The following SGPL1 variants were observed in gnomAD, a reference collection of about 807,000 sequenced individuals.
The protein encoded by SGPL1 is SP-lyase 1.
SGPL1 carries 37 observed loss-of-function variants against 68.9 expected under a neutral mutation model. That is an observed-to-expected ratio of 0.54 (90% confidence interval 0.41 to 0.71). The LOEUF (loss-of-function observed/expected upper bound fraction) is 0.71, where lower values mean the gene tolerates loss of function less well. Ranked by LOEUF, SGPL1 falls within the 30% of genes least tolerant of loss-of-function variation. The probability of loss-of-function intolerance (pLI) is 0.00; values close to 1 mark genes in which losing one functional copy is unlikely to be tolerated. For synonymous variants in SGPL1, 236 were observed against 248.5 expected (o/e 0.95, Z 0.47); for missense variants, 551 against 704.6 (o/e 0.78, Z 2.47).
At chr10:70,822,653 G>C (rs1324126238) in intron 2 of SGPL1, among the ~76,000 whole-genome samples, 1 of 152,192 alleles carries the variant, frequency 6.6e-6, no homozygotes, top group African/African-American at 2.4e-5. Context: ...CGAGTAGTTT[G>C]TGGATATATC....
At chr10:70,839,040 A>G (rs1237948774) in intron 2 of SGPL1, among the ~76,000 whole-genome samples, 1 of 152,192 alleles carries the variant, frequency 6.6e-6, no homozygotes, top group East Asian at 1.9e-4. Flanking sequence ...CTTAAAGTGA[A>G]GGCTGAAAGA....
rs776320394 is a variant in SGPL1, at chr10:70,857,700, C to T, written c.486+10C>T. 1.3e-6 allele frequency: 2 copies of T among 1,599,776 alleles called. No homozygotes were observed. The highest frequency in any genetic ancestry group is 4.5e-5 in the East Asian group (2 of 44,554). Reference sequence around the variant, plus strand: ...TGAGCTCCTTGTGAAGGTGAGTGTCCAGTTCTTGAGGGAAGCCTGTGAGGT... The same window carrying T: ...TGAGCTCCTTGTGAAGGTGAGTGTCTAGTTCTTGAGGGAAGCCTGTGAGGT... On this transcript the variant is annotated intron_variant, in intron 6 of 14. Transcript: ENST00000373202.
chr10:70,835,364 T>A (rs1048669919), intron 2 of SGPL1, among the ~76,000 whole-genome samples: 1 of 152,124 alleles, frequency 6.6e-6, no homozygotes, highest in African/African-American at 2.4e-5. Context: ...CATAATGCAA[T>A]AGGCTAATGC....
chr10:70,863,653 T>C (rs1846124887), intron 7 of SGPL1, among the ~76,000 whole-genome samples: 1 of 152,164 alleles, frequency 6.6e-6, no homozygotes, highest in Admixed American at 6.5e-5. Context: ...TTAAGTCAAA[T>C]CCTTAGCTTG....
At chr10:70,831,616 G>C (rs1444312714) in intron 2 of SGPL1, among the ~76,000 whole-genome samples, 2 of 152,216 alleles carry the variant, frequency 1.3e-5, no homozygotes, top group Non-Finnish European at 2.9e-5. Flanking sequence ...GGGAAGGGGT[G>C]TGGAGCCTCC....
chr10:70,843,991 T>C lies in SGPL1; in HGVS notation c.28-482T>C, dbSNP rs114347648. 5.0e-3 allele frequency among the ~76,000 whole-genome samples: 768 copies of C among 152,318 alleles called. 5 individuals carry two copies. The highest frequency in any genetic ancestry group is 0.017 in the African/African-American group (689 of 41,564). On this transcript the variant is annotated intron_variant, in intron 2 of 14. Coordinates refer to ENST00000373202, the MANE Select transcript of SGPL1 (RefSeq NM_003901.4). The stretch of plus-strand genomic sequence containing the variant: ...GTACTCCAGCAGCAGAGAGGAGTAG[T>C]TGTAAAGGAGAATGTTTGCTTTGCA...
chr10:70,875,776 G>A (rs1846373855), intron 13 of SGPL1, among the ~76,000 whole-genome samples: 1 of 152,172 alleles, frequency 6.6e-6, no homozygotes, highest in Admixed American at 6.5e-5. Context: ...TAGACCAGTG[G>A]TTGGTCATGA....
intron 12 of SGPL1, 98 bp downstream of exon 12, chr10:70,873,687 C>T: frequency 3.5e-6 from 3 of 857,144 alleles, no homozygotes; most frequent in Non-Finnish European, 5.9e-6. Flanking sequence ...CCCTAGCCCA[C>T]CTGTTGTCTC....
chr10:70,818,400 AG>A (rs1564615047), intron 2 of SGPL1, among the ~76,000 whole-genome samples: 2 of 152,224 alleles, frequency 1.3e-5, no homozygotes, highest in Non-Finnish European at 2.9e-5. Context: ...GATTACTTAC[AG>A]GCGTGAGCCG....
intron 2 of SGPL1, among the ~76,000 whole-genome samples, chr10:70,844,253 T>C (rs1173400963): frequency 6.6e-6 from 1 of 152,092 alleles, no homozygotes; most frequent in East Asian, 1.9e-4. Context: ...AGATTGAAAA[T>C]AGTCTCAAAG....
chr10:70,832,528 A>G (rs1845559704), intron 2 of SGPL1, among the ~76,000 whole-genome samples: 1 of 152,188 alleles, frequency 6.6e-6, no homozygotes, highest in African/African-American at 2.4e-5. Context: ...CCCTTCCCCA[A>G]TCGTGATATG....
intron 7 of SGPL1, among the ~76,000 whole-genome samples, chr10:70,865,324 CTT>C (rs60825486): frequency 6.7e-6 from 1 of 148,834 alleles, no homozygotes. Context: ...TGCACTCACC[CTT>C]TTTTTTTTTC....
intron 7 of SGPL1, among the ~76,000 whole-genome samples, chr10:70,867,536 T>C (rs1846216047): frequency 6.7e-6 from 1 of 148,496 alleles, no homozygotes; most frequent in Non-Finnish European, 1.5e-5. Flanking sequence ...CACTCCAGCC[T>C]GGGCAACAGA....
chr10:70,867,374 C>T (rs1189669062), intron 7 of SGPL1, among the ~76,000 whole-genome samples: 1 of 152,022 alleles, frequency 6.6e-6, no homozygotes, highest in Non-Finnish European at 1.5e-5. Flanking sequence ...ACCAGCCTGG[C>T]CAACATGGTG....
At position 70,877,455 on chromosome 10, in the gene SGPL1, C is replaced by A; in HGVS notation, c.*120C>A. ...TCCATAGAGCACAACTCAAGATAGACCATGAGACAGCTTGAGCCTCAGGAT... is the reference window on the plus strand; with the variant it reads ...TCCATAGAGCACAACTCAAGATAGAACATGAGACAGCTTGAGCCTCAGGAT... On this transcript the variant is annotated 3_prime_UTR_variant, in exon 15 of 15. Transcript: ENST00000373202. 1 of 867,434 alleles carries A rather than the reference C, an allele frequency of 1.2e-6. No homozygotes were observed. The highest frequency in any genetic ancestry group is 1.8e-6 in the Non-Finnish European group (1 of 565,364). The allele number at this position is 867,434 out of a possible 1,614,324, so 53.7% of individuals were successfully genotyped here.
rs943826902 is a variant in SGPL1, at chr10:70,880,146, GCA to G, written c.*2817_*2818del. 1.3e-5 allele frequency: 2 copies of G among 152,504 alleles called. No homozygotes were observed. Among genetic ancestry groups the G allele is most frequent in the Non-Finnish European group, 2.9e-5 (2 of 68,016 alleles). 9.4% of individuals were successfully genotyped at this position (152,504 alleles called of 1,614,324 possible). Reference sequence around the variant, plus strand: ...TGGTTGCATTCATTTGATTACTTGGGCACACACGAGATGACAAATGGGGCAGT... The same window carrying G: ...TGGTTGCATTCATTTGATTACTTGGGCACACGAGATGACAAATGGGGCAGT... On this transcript the variant is annotated 3_prime_UTR_variant, in exon 15 of 15. Transcript: ENST00000373202.
At chr10:70,818,538 G>A (rs1262537141) in intron 2 of SGPL1, among the ~76,000 whole-genome samples, 1 of 152,200 alleles carries the variant, frequency 6.6e-6, no homozygotes, top group East Asian at 1.9e-4. Context: ...TGGCGTCACT[G>A]GGAAACTGGC....
At chr10:70,852,025 G>A (rs939626791) in intron 4 of SGPL1, among the ~76,000 whole-genome samples, 3 of 152,202 alleles carry the variant, frequency 2.0e-5, no homozygotes, top group Admixed American at 6.5e-5. Flanking sequence ...GTCTCCCACA[G>A]GTTATCCCAG....
intron 5 of SGPL1, among the ~76,000 whole-genome samples, chr10:70,855,894 CA>C (rs1845955622): frequency 6.6e-6 from 1 of 152,090 alleles, no homozygotes; most frequent in Non-Finnish European, 1.5e-5. Flanking sequence ...ATTTCTAGTT[CA>C]TCAGGGTTTT....
Sources: gnomAD v4.1 joint callset for allele counts (sites outside exome capture counted in the v4.1 genomes callset) on GRCh38, gnomAD v4.1.1 for gene constraint, MANE v1.5 for transcripts, NCBI Gene and HGNC (gene_info 2026-07-23, HGNC 2026-07-21) for gene names.